KAT6A: variants seen among roughly 807,000 people sequenced by gnomAD.
KAT6A encodes lysine acetyltransferase 6A.
KAT6A carries 9 observed loss-of-function variants against 198.4 expected under a neutral mutation model. That is an observed-to-expected ratio of 0.05 (90% CI 0.03 to 0.08). The LOEUF is 0.08. Among genes scored for constraint, KAT6A ranks in the 10% least tolerant of loss-of-function variants. The pLI, the probability that KAT6A is intolerant of heterozygous loss-of-function variation, is 1.00. For missense variants in KAT6A, 2,077 were observed against 2,509.9 expected (o/e 0.83, Z 3.69); for synonymous variants, 890 against 883.0 (o/e 1.01, Z -0.14).
intron 2 of KAT6A, among the ~76,000 whole-genome samples, chr8:42,007,079 C>T (rs1825786617): frequency 6.7e-6 from 1 of 150,148 alleles, no homozygotes; most frequent in South Asian, 2.1e-4. Context: ...ATCTCCAAAA[C>T]TATCATGCAA....
At position 41,934,314 on chromosome 8, in the gene KAT6A, T is replaced by C. The variant is rs778340362; in HGVS notation, c.3906A>G (p.Glu1302=). 2 of 1,614,076 alleles carry C rather than the reference T, an allele frequency of 1.2e-6. No individual in the cohort carries two copies. The highest frequency in any genetic ancestry group is 1.7e-6 in the Non-Finnish European group (2 of 1,180,014). Residue 1302 remains glutamate (E), a synonymous_variant, in exon 17 of 17, where the codon GAA becomes GAG. Transcript: ENST00000265713. ...ELEEPEPEEE[E]DAAAETAQND... The stretch of plus-strand genomic sequence containing the variant: ...TCTGGGCAGTCTCTGCAGCTGCATC[T>C]TCCTCCTCCTCTGGCTCTGGCTCCT...
In KAT6A at chr8:41,934,480, C is replaced by T. The variant is rs1564005684; in HGVS notation, c.3740G>A (p.Ser1247Asn). ...EEGEEEDAASSEVPAASPADS... is the reference protein window; with the variant it reads ...EEGEEEDAASNEVPAASPADS... ...TGCTGGAGAGGCTGCTGGGACTTCA[C>T]TGCTGGCTGCATCCTCTTCCTCACC... The change falls in exon 17 of 17, where the codon AGT becomes AAT. Residue 1247 changes from serine to asparagine, a missense_variant. Coordinates refer to ENST00000265713, the MANE Select transcript of KAT6A (RefSeq NM_006766.5). 1 of 1,609,892 alleles carries T rather than the reference C, an allele frequency of 6.2e-7. No individual in the cohort carries two copies. Among genetic ancestry groups the T allele is most frequent in the Non-Finnish European group, 8.5e-7 (1 of 1,177,816 alleles).
chr8:41,973,740 T>G (rs544442508), intron 8 of KAT6A, among the ~76,000 whole-genome samples: 43 of 152,212 alleles, frequency 2.8e-4, no homozygotes, highest in African/African-American at 9.9e-4. Flanking sequence ...TTCCCCTATC[T>G]TCAAGTCTAT....
chr8:41,932,206 C>T lies in KAT6A; in HGVS notation c.6014G>A (p.Ter2005=). Residue 2005 remains the stop codon, a stop_retained_variant, in exon 17 of 17, where the codon TGA becomes TAA. Transcript: ENST00000265713. ...TTTTTGATTGCAAGTTCATCTTGCT[C>T]ATCTTCTCATGTAAGGTCCGTTGAG... ...QSLNGPYMRR[*] is the part of the protein sequence containing the mutation. 6.4e-7 allele frequency: 1 copy of T among 1,553,772 alleles called. No individual in the cohort carries two copies. Among genetic ancestry groups the T allele is most frequent in the Non-Finnish European group, 8.7e-7 (1 of 1,150,382 alleles).
chr8:41,931,679 G>A lies in KAT6A; in HGVS notation c.*526C>T, dbSNP rs1821552337. ...AATAATAATAAGTTTAAGGAGCTTG[G>A]GTTGTTCTCCATGTCCCCATCCGAG... On this transcript the variant is annotated 3_prime_UTR_variant, in exon 17 of 17. Coordinates refer to ENST00000265713, the MANE Select transcript of KAT6A (RefSeq NM_006766.5). 5.3e-6 allele frequency: 1 copy of A among 187,748 alleles called. No homozygotes were observed. The highest frequency in any genetic ancestry group is 6.2e-5 in the Admixed American group (1 of 16,124). 11.6% of individuals were successfully genotyped at this position (187,748 alleles called of 1,614,324 possible).
intron 8 of KAT6A, among the ~76,000 whole-genome samples, chr8:41,966,360 C>T (rs1310245667): frequency 6.6e-6 from 1 of 151,982 alleles, no homozygotes; most frequent in Non-Finnish European, 1.5e-5. Flanking sequence ...TAGTACAGTA[C>T]AATAGTACAA....
chr8:41,978,750 G>A lies in KAT6A; in HGVS notation c.935C>T (p.Pro312Leu). Reference protein sequence around the residue: ...KGMWICQICRPRKKGRKLLQK... With the variant: ...KGMWICQICRLRKKGRKLLQK... ...TAGAAGTTTTCGTCCTTTTTTCCTAGGTCGACATATTTGACATATCCACAT... is the reference window on the plus strand; with the variant it reads ...TAGAAGTTTTCGTCCTTTTTTCCTAAGTCGACATATTTGACATATCCACAT... Residue 312 changes from proline (P) to leucine (L), a missense_variant, in exon 6 of 17, where the codon CCT becomes CTT. Physicochemically the swap from Pro to Leu is moderately conservative, Grantham distance 98. Transcript: ENST00000265713. 1 of 1,613,448 alleles carries A rather than the reference G, an allele frequency of 6.2e-7. No individual in the cohort carries two copies. Among genetic ancestry groups the A allele is most frequent in the East Asian group, 2.2e-5 (1 of 44,848 alleles).
rs575256565 is a variant in KAT6A, at chr8:41,933,235, G to T, written c.4985C>A (p.Pro1662Gln). 2 of 1,548,088 alleles carry T rather than the reference G, an allele frequency of 1.3e-6. No individual in the cohort carries two copies. Among genetic ancestry groups the T allele is most frequent in the Admixed American group, 1.9e-5 (1 of 52,126 alleles). Residue 1662 changes from proline (P) to glutamine (Q), a missense_variant, in exon 17 of 17, where the codon CCG (proline) becomes CAG (glutamine). Physicochemically the swap from Pro to Gln is moderately conservative, Grantham distance 76. Coordinates refer to ENST00000265713, the MANE Select transcript of KAT6A (RefSeq NM_006766.5). This position sits in a 1 kb window ranked among gnomAD's most constrained non-coding sequence, Gnocchi z 6.2. ...TGGTGCTGGTTGTGGTTGTGGCGGCGGCGGCTGTGGCTGCTGTGGAGGCGG... is the reference window on the plus strand; with the variant it reads ...TGGTGCTGGTTGTGGTTGTGGCGGCTGCGGCTGTGGCTGCTGTGGAGGCGG... ...PPPPPQQPQP[P>Q]PPQPQPAPQP...
chr8:41,964,844 C>T (rs1050092122), intron 8 of KAT6A, among the ~76,000 whole-genome samples: 1 of 152,162 alleles, frequency 6.6e-6, no homozygotes, highest in Non-Finnish European at 1.5e-5. Context: ...AATGTGGTCT[C>T]TCTCAAAATA....
chr8:41,936,732 A>C (rs1414182705), intron 16 of KAT6A, among the ~76,000 whole-genome samples: 1 of 152,208 alleles, frequency 6.6e-6, no homozygotes, highest in Non-Finnish European at 1.5e-5. Context: ...GACACATTAG[A>C]GATACAATTC....
intron 2 of KAT6A, among the ~76,000 whole-genome samples, chr8:41,989,453 G>A (rs1251150493): frequency 1.3e-5 from 2 of 152,094 alleles, no homozygotes; most frequent in African/African-American, 4.8e-5. Context: ...AGGTTGTAGT[G>A]AGCCGAGATC....
In KAT6A at chr8:42,049,006, C is replaced by T. The variant is rs760117467; in HGVS notation, c.-29G>A. 15 of 1,593,064 alleles carry T rather than the reference C, an allele frequency of 9.4e-6. No individual in the cohort carries two copies. The highest frequency in any genetic ancestry group is 2.2e-5 in the East Asian group (1 of 44,776). On this transcript the variant is annotated 5_prime_UTR_variant, in exon 2 of 17. Transcript: ENST00000265713. ...GAAGGATTCTGTATATCCATAGAGT[C>T]GTTATCCCTTATCCTGATGCTGAGT...
intron 2 of KAT6A, among the ~76,000 whole-genome samples, chr8:42,016,595 A>G (rs984006558): frequency 5.3e-5 from 8 of 152,224 alleles, no homozygotes; most frequent in Middle Eastern, 3.2e-3. Context: ...AAACTGTAAT[A>G]TCCATAAAAT....
rs759267222 is a variant in KAT6A, at chr8:41,932,635, G to A, written c.5585C>T (p.Ala1862Val). The change falls in exon 17 of 17, where the codon GCG (alanine) becomes GTG (valine). Residue 1862 changes from alanine to valine, a missense_variant. This residue lies in a region of KAT6A where 500 missense variants were observed against 577.2 expected (regional missense o/e 0.87). Transcript: ENST00000265713. Reference protein sequence around the residue: ...KGHISIRSKSAPLPSAAAHQQ... With the variant: ...KGHISIRSKSVPLPSAAAHQQ... ...GTGAGCAGCCGCAGAGGGCAGTGGC[G>A]CAGACTTGGAGCGGATGGAAATGTG... 30 of 1,613,954 alleles carry A rather than the reference G, an allele frequency of 1.9e-5. No individual in the cohort carries two copies. Among genetic ancestry groups the A allele is most frequent in the African/African-American group, 6.7e-5 (5 of 74,952 alleles).
At chr8:41,981,499 TTAA>T (rs778709484) in intron 4 of KAT6A, among the ~76,000 whole-genome samples, 2 of 152,174 alleles carry the variant, frequency 1.3e-5, no homozygotes, top group Non-Finnish European at 2.9e-5. Context: ...CTGGTCTGCT[TTAA>T]TAATGAGAAA....
At chr8:42,035,118 C>T (rs1827306818) in intron 2 of KAT6A, among the ~76,000 whole-genome samples, 1 of 151,874 alleles carries the variant, frequency 6.6e-6, no homozygotes, top group South Asian at 2.1e-4. Context: ...CAGAGGACCT[C>T]GAATACAGAA....
rs1374287554 is a variant in KAT6A, at chr8:41,933,448, C to A, written c.4772G>T (p.Gly1591Val). Residue 1591 changes from glycine (G) to valine (V), a missense_variant, in exon 17 of 17, where the codon GGG becomes GTG. Transcript: ENST00000265713. The surrounding 1 kb of genome is among the most constrained non-coding windows in gnomAD (Gnocchi z 6.2). ...GGTGAGGCTGCTGGAGGACGACAGC[C>A]CACCGTAGGAGCAGCTGCTCTGGGA... Reference protein sequence around the residue: ...SSSQSSCSYGGLSSSSSLTQS... With the variant: ...SSSQSSCSYGVLSSSSSLTQS... The A allele has an allele frequency of 6.2e-7, 1 of 1,612,776 alleles. No individual in the cohort carries two copies. Among genetic ancestry groups the A allele is most frequent in the Admixed American group, 1.7e-5 (1 of 59,974 alleles).
chr8:41,939,437 G>A (rs1821999121), intron 15 of KAT6A, among the ~76,000 whole-genome samples: 1 of 152,086 alleles, frequency 6.6e-6, no homozygotes, highest in Admixed American at 6.6e-5. Flanking sequence ...GCTATTTACA[G>A]GTACAATCAT....
At chr8:42,030,267 A>G (rs1280912803) in intron 2 of KAT6A, among the ~76,000 whole-genome samples, 1 of 152,114 alleles carries the variant, frequency 6.6e-6, no homozygotes, top group East Asian at 1.9e-4. Flanking sequence ...CATGGTGGGA[A>G]CACAGATCAC....
Sources: gnomAD v4.1 joint callset for allele counts (sites outside exome capture counted in the v4.1 genomes callset) on GRCh38, gnomAD v4.1.1 for gene constraint, gnomAD v4.1.1 regional missense constraint, Gnocchi (gnomAD v3.1) non-coding constraint, MANE v1.5 for transcripts, NCBI Gene and HGNC (gene_info 2026-07-23, HGNC 2026-07-21) for gene names.